PDE10A: variants seen among roughly 807,000 people sequenced by gnomAD.
PDE10A encodes the protein cAMP and cAMP-inhibited cGMP 3',5'-cyclic phosphodiesterase 10A.
In PDE10A, 39 loss-of-function variants were observed where a neutral mutation model predicts 97.7. The ratio of observed to expected loss-of-function variants is 0.40; its 90% confidence interval spans 0.31 to 0.52. The LOEUF is 0.52. Among genes scored for constraint, PDE10A ranks in the 20% least tolerant of loss-of-function variants. PDE10A has a pLI of 0.56. For missense variants in PDE10A, 731 were observed against 1,047.8 expected (o/e 0.70, Z 4.17); for synonymous variants, 371 against 376.8 (o/e 0.98, Z 0.18).
rs1038934516 is a variant in PDE10A, at chr6:165,655,982, C to A, written c.865+5965G>T. On this transcript the variant is annotated intron_variant, in intron 1 of 21. Transcript: ENST00000539869. The surrounding 1 kb of genome is among the most constrained non-coding windows in gnomAD (Gnocchi z 4.5). Reference sequence around the variant, plus strand: ...TTCTACTGCCCCTGTGAAGAGAGACCTGCACAGAACAAGGCAAGGAGCCAC... The same window carrying A: ...TTCTACTGCCCCTGTGAAGAGAGACATGCACAGAACAAGGCAAGGAGCCAC... Among the ~76,000 whole-genome samples the A allele has an allele frequency of 6.6e-6, 1 of 152,048 alleles. No homozygotes were observed. The highest frequency in any genetic ancestry group is 1.5e-5 in the Non-Finnish European group (1 of 68,016).
chr6:165,486,492 T>C (rs1011997994), intron 2 of PDE10A, among the ~76,000 whole-genome samples: 6 of 152,126 alleles, frequency 3.9e-5, no homozygotes, highest in African/African-American at 7.2e-5. Context: ...GTGTCATCCA[T>C]AGAGAAAGGC....
intron 1 of PDE10A, among the ~76,000 whole-genome samples, chr6:165,678,223 G>C (rs1346985428): frequency 0.056 from 8 of 142 alleles, no homozygotes; most frequent in South Asian, 0.17. Context: ...GTGTGTATAT[G>C]TGTGTGTGTA....
intron 1 of PDE10A, among the ~76,000 whole-genome samples, chr6:165,872,335 C>T (rs961260105): frequency 1.2e-4 from 18 of 152,194 alleles, no homozygotes; most frequent in Non-Finnish European, 2.6e-4. Context: ...AGCAAGGAGA[C>T]TCCTCCCTTT....
intron 2 of PDE10A, among the ~76,000 whole-genome samples, chr6:165,493,465 C>T (rs140738468): frequency 1.9e-3 from 296 of 152,232 alleles, no homozygotes; most frequent in African/African-American, 6.7e-3. Context: ...CTCAAAACAG[C>T]ATGGTACTGG....
intron 3 of PDE10A, among the ~76,000 whole-genome samples, chr6:165,472,894 T>C (rs1426034966): frequency 6.6e-6 from 1 of 152,184 alleles, no homozygotes; most frequent in Non-Finnish European, 1.5e-5. Context: ...AACCTTCAAC[T>C]GTAACAGTAA....
intron 1 of PDE10A, among the ~76,000 whole-genome samples, chr6:165,900,214 G>C (rs983551047): frequency 6.6e-6 from 1 of 152,162 alleles, no homozygotes; most frequent in Admixed American, 6.5e-5. Flanking sequence ...GCTCACACCC[G>C]TAATCCCAGC....
At chr6:165,683,866 A>C (rs1268272442) in intron 1 of PDE10A, among the ~76,000 whole-genome samples, 1 of 152,100 alleles carries the variant, frequency 6.6e-6, no homozygotes, top group East Asian at 1.9e-4. Context: ...GACTTCCATG[A>C]CCGGTGTCCT....
At chr6:165,861,022 A>G (rs1401894625) in intron 1 of PDE10A, among the ~76,000 whole-genome samples, 2 of 152,188 alleles carry the variant, frequency 1.3e-5, no homozygotes, top group Non-Finnish European at 2.9e-5. Flanking sequence ...ACACATGTTG[A>G]CAGGTCAACA....
At chr6:165,717,819 G>A (rs1475382383) in intron 1 of PDE10A, among the ~76,000 whole-genome samples, 1 of 152,146 alleles carries the variant, frequency 6.6e-6, no homozygotes, top group African/African-American at 2.4e-5. Context: ...CATCCTCATG[G>A]GTGGGGAGTG....
chr6:165,705,406 G>A (rs1791682600), intron 1 of PDE10A, among the ~76,000 whole-genome samples: 1 of 152,206 alleles, frequency 6.6e-6, no homozygotes, highest in Non-Finnish European at 1.5e-5. Flanking sequence ...GTGGGGCTCA[G>A]GAGTTCTTGT....
upstream of PDE10A, among the ~76,000 whole-genome samples, chr6:165,668,213 TAGAA>T (rs992006907): frequency 6.6e-6 from 1 of 152,186 alleles, no homozygotes; most frequent in African/African-American, 2.4e-5. Flanking sequence ...AGCTTTTAAA[TAGAA>T]AGAGGTCATA....
chr6:165,758,304 T>TA (rs1232016495), intron 1 of PDE10A, among the ~76,000 whole-genome samples: 2 of 151,780 alleles, frequency 1.3e-5, no homozygotes, highest in Non-Finnish European at 2.9e-5. Context: ...CTATTAAAAA[T>TA]AAAAAAATTA....
At chr6:165,535,600 C>T (rs181639313) in intron 2 of PDE10A, among the ~76,000 whole-genome samples, 7,078 of 148,202 alleles carry the variant, frequency 0.048, 166 homozygotes, top group Middle Eastern at 0.11. Context: ...TGTGTGTGTG[C>T]GCGTGTGTGT....
chr6:165,926,277 GC>G (rs1239755575), intron 1 of PDE10A, among the ~76,000 whole-genome samples: 1 of 152,184 alleles, frequency 6.6e-6, no homozygotes, highest in African/African-American at 2.4e-5. Flanking sequence ...CTAGTAAGAA[GC>G]CATCCATCCT....
chr6:165,632,099 C>T (rs1853073), intron 1 of PDE10A, among the ~76,000 whole-genome samples: 25,968 of 148,068 alleles, frequency 0.18, 2,611 homozygotes, highest in Non-Finnish European at 0.23. Context: ...ACTTGGGAGG[C>T]TGAGGCAGGA....
chr6:165,622,710 T>C (rs2128410174), intron 1 of PDE10A, among the ~76,000 whole-genome samples: 1 of 152,302 alleles, frequency 6.6e-6, no homozygotes, highest in African/African-American at 2.4e-5. Flanking sequence ...ATGTAAAAGT[T>C]CATGCTAGAA....
At chr6:165,451,545 G>A (rs573018061) in intron 3 of PDE10A, among the ~76,000 whole-genome samples, 70 of 152,238 alleles carry the variant, frequency 4.6e-4, no homozygotes, top group African/African-American at 1.6e-3. Context: ...TCAAAACTGC[G>A]TCTCACACCC....
chr6:165,679,661 T>C (rs1343008264), intron 1 of PDE10A, among the ~76,000 whole-genome samples: 1 of 152,178 alleles, frequency 6.6e-6, no homozygotes, highest in African/African-American at 2.4e-5. Context: ...GTTGAGCCCA[T>C]GAAGTTGCTG....
intron 1 of PDE10A, among the ~76,000 whole-genome samples, chr6:165,776,000 A>G (rs1778170564): frequency 6.6e-6 from 1 of 152,218 alleles, no homozygotes; most frequent in Non-Finnish European, 1.5e-5. Flanking sequence ...CAGAGTTTTC[A>G]AGTGATTTTA....
Sources: allele counts gnomAD v4.1 joint callset (sites outside exome capture counted in the v4.1 genomes callset), GRCh38; gene constraint gnomAD v4.1.1; non-coding constraint Gnocchi (gnomAD v3.1); transcripts MANE v1.5; gene names NCBI Gene and HGNC (gene_info 2026-07-23, HGNC 2026-07-21).